The following CHST8 variants were observed in gnomAD, a reference collection of about 807,000 sequenced individuals.
The protein encoded by CHST8 is carbohydrate sulfotransferase 8, also known as GALNAC-4-ST1.
CHST8 carries 10 observed loss-of-function variants against 15.0 expected under a neutral mutation model. The ratio of observed to expected loss-of-function variants is 0.67; its 90% CI spans 0.41 to 1.13. The LOEUF (loss-of-function observed/expected upper bound fraction) is 1.13, where lower values mean the gene tolerates loss of function less well. CHST8 is among the 50% of genes most tolerant of loss of function. CHST8 has a pLI of 0.00. For synonymous variants in CHST8, 259 were observed against 256.6 expected (o/e 1.01, Z -0.09); for missense variants, 634 against 608.2 (o/e 1.04, Z -0.45).
chr19:33,631,931 G>T (rs1237934513), intron 1 of CHST8, among the ~76,000 whole-genome samples: 1 of 152,148 alleles, frequency 6.6e-6, no homozygotes, highest in Admixed American at 6.5e-5. Context: ...ACCTCCTAGA[G>T]CTGTTGTGCC....
intron 1 of CHST8, among the ~76,000 whole-genome samples, chr19:33,643,267 A>G (rs140302211): frequency 2.7e-3 from 415 of 152,298 alleles, no homozygotes; most frequent in African/African-American, 9.5e-3. Context: ...AATCTGTGTC[A>G]ATTAGATAGG....
At chr19:33,678,663 C>T (rs940089538) in intron 2 of CHST8, among the ~76,000 whole-genome samples, 1 of 152,064 alleles carries the variant, frequency 6.6e-6, no homozygotes, top group African/African-American at 2.4e-5. Context: ...TGCTTGAGCC[C>T]AGAAGTTTGA....
chr19:33,686,879 G>C (rs761773718), intron 2 of CHST8, among the ~76,000 whole-genome samples: 2 of 152,216 alleles, frequency 1.3e-5, no homozygotes, highest in African/African-American at 4.8e-5. Context: ...TATTGAACCC[G>C]CGTCTGCTTA....
At chr19:33,682,191 T>G (rs1387066743) in intron 2 of CHST8, among the ~76,000 whole-genome samples, 2,483 of 140,134 alleles carry the variant, frequency 0.018, 47 homozygotes, top group African/African-American at 0.063. Flanking sequence ...GTTGTTGTTT[T>G]TTTTTTTTTT....
intron 3 of CHST8, among the ~76,000 whole-genome samples, chr19:33,753,119 A>G (rs1490802712): frequency 1.3e-5 from 2 of 152,038 alleles, no homozygotes; most frequent in Non-Finnish European, 2.9e-5. Flanking sequence ...CTGCCTGGGC[A>G]TCAGAGGCCA....
At chr19:33,766,945 A>G (rs1974859331) in intron 3 of CHST8, among the ~76,000 whole-genome samples, 1 of 152,218 alleles carries the variant, frequency 6.6e-6, no homozygotes, top group South Asian at 2.1e-4. Flanking sequence ...GCACGACTCA[A>G]ACTCCACCAC....
At chr19:33,706,195 T>G (rs1973442360) in intron 3 of CHST8, among the ~76,000 whole-genome samples, 1 of 152,128 alleles carries the variant, frequency 6.6e-6, no homozygotes. Flanking sequence ...ATGCATGGCA[T>G]TGGAGGGCCA....
At chr19:33,768,701 A>G (rs1974904331) in intron 3 of CHST8, among the ~76,000 whole-genome samples, 1 of 152,132 alleles carries the variant, frequency 6.6e-6, no homozygotes, top group Non-Finnish European at 1.5e-5. Context: ...TGATCAGCCC[A>G]TCTCAGCCTC....
At chr19:33,682,250 T>A (rs1365282822) in intron 2 of CHST8, among the ~76,000 whole-genome samples, 1 of 143,932 alleles carries the variant, frequency 6.9e-6, no homozygotes, top group Non-Finnish European at 1.5e-5. Context: ...TGGAGTGCAG[T>A]GGCGTGATCT....
chr19:33,683,651 T>C (rs1302536704), intron 2 of CHST8, among the ~76,000 whole-genome samples: 1 of 152,174 alleles, frequency 6.6e-6, no homozygotes, highest in Non-Finnish European at 1.5e-5. Context: ...CCCAAACACT[T>C]CCATCTATTA....
At chr19:33,740,821 T>C (rs1483296764) in intron 3 of CHST8, among the ~76,000 whole-genome samples, 1 of 152,216 alleles carries the variant, frequency 6.6e-6, no homozygotes, top group Non-Finnish European at 1.5e-5. Flanking sequence ...TTGTGGGGGC[T>C]GTCCATGGTG....
intron 2 of CHST8, among the ~76,000 whole-genome samples, chr19:33,674,283 C>CT (rs1338592133): frequency 1.3e-5 from 2 of 152,190 alleles, no homozygotes; most frequent in East Asian, 3.9e-4. Flanking sequence ...GCCAGGTGCA[C>CT]TGTCACCTAG....
chr19:33,751,211 A>T (rs1377955773), intron 3 of CHST8, among the ~76,000 whole-genome samples: 1 of 152,062 alleles, frequency 6.6e-6, no homozygotes, highest in Non-Finnish European at 1.5e-5. Context: ...GGCCCGGCTG[A>T]CCAGCTGCCA....
At chr19:33,716,040 C>G (rs1443213805) in intron 3 of CHST8, among the ~76,000 whole-genome samples, 2 of 152,198 alleles carry the variant, frequency 1.3e-5, no homozygotes, top group Non-Finnish European at 2.9e-5. Flanking sequence ...TTTGCAAAAA[C>G]AAAAACAGTC....
intron 3 of CHST8, among the ~76,000 whole-genome samples, chr19:33,704,370 G>A (rs549777719): frequency 2.9e-4 from 44 of 151,938 alleles, no homozygotes; most frequent in Non-Finnish European, 5.4e-4. Flanking sequence ...TGGAGGGAGG[G>A]GAATGAGGAG....
At position 33,648,112 on chromosome 19, in the gene CHST8, C is replaced by T. The variant is rs528366893; in HGVS notation, c.-163-19655C>T. On this transcript the variant is annotated intron_variant, in intron 1 of 4. Transcript: ENST00000650847. Reference sequence around the variant, plus strand: ...GGGGGATTGGCCATAGGTAGAAGCACAGACAATTCTCCTAGGGTCAAAGCC... The same window carrying T: ...GGGGGATTGGCCATAGGTAGAAGCATAGACAATTCTCCTAGGGTCAAAGCC... 1.8e-4 allele frequency among the ~76,000 whole-genome samples: 27 copies of T among 152,040 alleles called. 1 individual carries two copies. In the South Asian group the frequency reaches 5.6e-3, roughly 32 times the overall value.
chr19:33,665,727 TGTCCCCCAAG>T (rs1342529461), intron 1 of CHST8, among the ~76,000 whole-genome samples: 1 of 151,898 alleles, frequency 6.6e-6, no homozygotes, highest in Admixed American at 6.5e-5. Context: ...CCAGGAGCAG[TGTCCCCCAAG>T]GAACACTTCC....
At chr19:33,740,334 G>A (rs909324432) in intron 3 of CHST8, among the ~76,000 whole-genome samples, 13 of 152,200 alleles carry the variant, frequency 8.5e-5, no homozygotes, top group Admixed American at 4.6e-4. Flanking sequence ...TTGCAGAACC[G>A]TGTCATGGAA....
At position 33,691,966 on chromosome 19, in the gene CHST8, G is replaced by C. The variant is rs1055809241; in HGVS notation, c.130+2575G>C. ...ATGTAGAAAGGGGATGGGGAGTGGC[G>C]GGAATTCTGAGTTGCTTGAGGTCCC... is the stretch of plus-strand genomic sequence containing the variant. On this transcript the variant is annotated intron_variant, in intron 3 of 4. Transcript: ENST00000650847. 2.0e-5 allele frequency among the ~76,000 whole-genome samples: 3 copies of C among 152,104 alleles called. No homozygotes were observed. In the East Asian group the frequency reaches 5.8e-4, roughly 29 times the overall value.
Sources: allele counts gnomAD v4.1 joint callset (sites outside exome capture counted in the v4.1 genomes callset), GRCh38; gene constraint gnomAD v4.1.1; transcripts MANE v1.5; gene names NCBI Gene and HGNC (gene_info 2026-07-23, HGNC 2026-07-21).